Variants in ESR1 observed in about 807,000 individuals in gnomAD.
ESR1 encodes estrogen receptor.
In ESR1, 12 loss-of-function variants were observed where a neutral mutation model predicts 52.7. The observed-to-expected ratio is 0.23, with a 90% CI of 0.15 to 0.37. ESR1 has a LOEUF of 0.37. Ranked by LOEUF, ESR1 falls within the 10% of genes least tolerant of loss-of-function variation. The pLI is 1.00. For missense variants in ESR1, 584 were observed against 779.7 expected, an observed-to-expected ratio of 0.75 and a Z score of 2.99; for synonymous variants, 305 against 316.8, an observed-to-expected ratio of 0.96 and a Z score of 0.39.
intron 2 of ESR1, among the ~76,000 whole-genome samples, chr6:151,869,760 A>T (rs978697216): frequency 1.8e-4 from 27 of 152,004 alleles, no homozygotes; most frequent in East Asian, 3.9e-4. Context: ...TTTTTTAAAA[A>T]TTTTTTTTCT....
intron 1 of ESR1, among the ~76,000 whole-genome samples, chr6:151,661,159 A>T (rs1256861964): frequency 6.6e-6 from 1 of 152,248 alleles, no homozygotes; most frequent in Non-Finnish European, 1.5e-5. Context: ...GAAAATTCTT[A>T]CAATTTTGTA....
At position 151,736,375 on chromosome 6, in the gene ESR1, G is replaced by GTTTTTTTTTTTTTTTTTT. The variant is rs10624912; in HGVS notation, c.-71+34385_-71+34386insTTTTTTTTTTTTTTTTTT. Among the ~76,000 whole-genome samples, 461 of 112,640 alleles carry GTTTTTTTTTTTTTTTTTT rather than the reference G, an allele frequency of 4.1e-3. 54 individuals are homozygous for GTTTTTTTTTTTTTTTTTT. Among genetic ancestry groups the GTTTTTTTTTTTTTTTTTT allele is most frequent in the African/African-American group, 0.017 (445 of 26,102 alleles). 73.9% of individuals were successfully genotyped at this position (112,640 alleles called of 152,430 possible). On this transcript the variant is annotated intron_variant, in intron 2 of 2. Transcript: ENST00000404742. ...AAATACTTACTGTATTCCAGGTAGTGTTTTTTTTTTTTTTTGAGATGGAGT... is the reference window on the plus strand; with the variant it reads ...AAATACTTACTGTATTCCAGGTAGTGTTTTTTTTTTTTTTTTTTTTTTTTTTTTTTTTTGAGATGGAGT...
intron 2 of ESR1, among the ~76,000 whole-genome samples, chr6:151,706,374 G>A (rs1780185552): frequency 1.3e-5 from 2 of 152,318 alleles, no homozygotes; most frequent in South Asian, 4.1e-4. Flanking sequence ...GGGCTTGAAA[G>A]TGATCCACTG....
intron 4 of ESR1, among the ~76,000 whole-genome samples, chr6:151,959,867 G>A (rs1203306397): frequency 6.6e-6 from 1 of 152,114 alleles, no homozygotes; most frequent in Admixed American, 6.5e-5. Flanking sequence ...GAGAATACAT[G>A]CATTAAAGTA....
upstream of ESR1, chr6:151,807,551 G>GGGA: frequency 2.5e-6 from 1 of 399,538 alleles, no homozygotes; most frequent in South Asian, 2.6e-5. Context: ...GCTCCAAATC[G>GGGA]AGTTGTGCCT....
At chr6:151,725,761 T>C (rs903492300) in intron 2 of ESR1, among the ~76,000 whole-genome samples, 1 of 152,238 alleles carries the variant, frequency 6.6e-6, no homozygotes, top group African/African-American at 2.4e-5. Context: ...AAATATAAGG[T>C]CTGAATTTTG....
At chr6:151,951,174 GT>G (rs1327282779) in intron 4 of ESR1, among the ~76,000 whole-genome samples, 1 of 152,108 alleles carries the variant, frequency 6.6e-6, no homozygotes, top group Non-Finnish European at 1.5e-5. Context: ...TACTTTAGTA[GT>G]TTATCCTTTT....
intron 2 of ESR1, among the ~76,000 whole-genome samples, chr6:151,715,639 G>A (rs1276728030): frequency 6.6e-6 from 1 of 152,038 alleles, no homozygotes; most frequent in Non-Finnish European, 1.5e-5. Context: ...ATTGATACTT[G>A]TGTATGCTTC....
chr6:151,673,962 G>C (rs1365737352), intron 1 of ESR1, among the ~76,000 whole-genome samples: 1 of 151,856 alleles, frequency 6.6e-6, no homozygotes, highest in East Asian at 1.9e-4. Flanking sequence ...TGCTTAATTT[G>C]GACTTTACAA....
intron 4 of ESR1, among the ~76,000 whole-genome samples, chr6:151,961,191 G>A (rs757821359): frequency 2.0e-5 from 3 of 152,020 alleles, no homozygotes; most frequent in Non-Finnish European, 4.4e-5. Flanking sequence ...AGTAGTGAGT[G>A]TAAAAAGGAA....
At chr6:151,828,258 A>G (rs193034174) in intron 1 of ESR1, among the ~76,000 whole-genome samples, 1 of 152,334 alleles carries the variant, frequency 6.6e-6, no homozygotes, top group Non-Finnish European at 1.5e-5. Flanking sequence ...AAGAAAATTC[A>G]AATGATGCAT....
chr6:151,663,004 C>G (rs957608677), intron 1 of ESR1, among the ~76,000 whole-genome samples: 2 of 152,100 alleles, frequency 1.3e-5, no homozygotes, highest in African/African-American at 4.8e-5. Flanking sequence ...CATTATAAAC[C>G]ACTTAAGTTA....
At chr6:151,712,513 T>C (rs1195064199) in intron 2 of ESR1, among the ~76,000 whole-genome samples, 2 of 152,182 alleles carry the variant, frequency 1.3e-5, no homozygotes, top group Non-Finnish European at 2.9e-5. Flanking sequence ...CTCTCGTTTT[T>C]CCTTGAGCAG....
chr6:151,672,580 A>G (rs77668774), intron 1 of ESR1, among the ~76,000 whole-genome samples: 9,546 of 151,276 alleles, frequency 0.063, 675 homozygotes, highest in East Asian at 0.36. Flanking sequence ...CAGGTGATCC[A>G]CCTGCCTCGG....
intron 3 of ESR1, among the ~76,000 whole-genome samples, chr6:151,905,261 A>G (rs1797265044): frequency 6.6e-6 from 1 of 152,200 alleles, no homozygotes; most frequent in Non-Finnish European, 1.5e-5. Flanking sequence ...CCTTTTAAAA[A>G]CAGAAAGGAC....
chr6:152,003,817 C>T (rs1431667778), intron 4 of ESR1, among the ~76,000 whole-genome samples: 1 of 151,722 alleles, frequency 6.6e-6, no homozygotes, highest in Non-Finnish European at 1.5e-5. Context: ...AAGAATATAC[C>T]CAGTATTTTA....
At chr6:151,998,027 G>A (rs2041642917) in intron 4 of ESR1, among the ~76,000 whole-genome samples, 1 of 152,060 alleles carries the variant, frequency 6.6e-6, no homozygotes, top group South Asian at 2.1e-4. Flanking sequence ...AATCTTTCAT[G>A]TTACTTATTA....
chr6:151,796,704 G>A (rs536450670), intron 2 of ESR1, among the ~76,000 whole-genome samples: 1 of 152,262 alleles, frequency 6.6e-6, no homozygotes, highest in South Asian at 2.1e-4. Context: ...AATACCTTAC[G>A]CTTCTGGTGA....
At chr6:151,876,401 G>T (rs771516688) in intron 2 of ESR1, among the ~76,000 whole-genome samples, 1 of 152,116 alleles carries the variant, frequency 6.6e-6, no homozygotes, top group African/African-American at 2.4e-5. Flanking sequence ...AAATACTGAC[G>T]GAAAAGAGGT....
Sources: allele counts gnomAD v4.1 joint callset (sites outside exome capture counted in the v4.1 genomes callset), GRCh38; gene constraint gnomAD v4.1.1; transcripts MANE v1.5; gene names NCBI Gene and HGNC (gene_info 2026-07-23, HGNC 2026-07-21).